Variants in XXYLT1 observed in about 807,000 individuals in gnomAD.
XXYLT1 encodes UDP-xylose:alpha-xyloside alpha-1,3-xylosyltransferase.
A neutral mutation model predicts 28.9 loss-of-function variants in XXYLT1; 20 were observed. The observed-to-expected ratio is 0.69, with a 90% CI of 0.49 to 1.00. XXYLT1 has a LOEUF of 1.00. Among genes scored for constraint, XXYLT1 ranks in the 50% least tolerant of loss-of-function variants. XXYLT1 has a pLI of 0.00. For synonymous variants in XXYLT1, 257 were observed against 253.8 expected (o/e 1.01, Z -0.12); for missense variants, 542 against 560.1 (o/e 0.97, Z 0.33).
chr3:195,241,864 T>C (rs12496628), intron 1 of XXYLT1, among the ~76,000 whole-genome samples: 21,043 of 152,002 alleles, frequency 0.14, 3,155 homozygotes, highest in African/African-American at 0.37. Flanking sequence ...CACACACATG[T>C]ACCCATCAGT....
chr3:195,108,856 A>C (rs1228213848), intron 3 of XXYLT1, among the ~76,000 whole-genome samples: 4 of 152,194 alleles, frequency 2.6e-5, no homozygotes, highest in Admixed American at 6.5e-5. Flanking sequence ...CCCCTCCATG[A>C]AGCTAGAAAG....
chr3:195,194,188 G>A (rs1722533995), intron 2 of XXYLT1, among the ~76,000 whole-genome samples: 1 of 151,278 alleles, frequency 6.6e-6, no homozygotes, highest in African/African-American at 2.4e-5. Flanking sequence ...GTTATATAAG[G>A]AATGCTTGCA....
chr3:195,071,735 T>TGGTTC (rs1214952454), intron 3 of XXYLT1, among the ~76,000 whole-genome samples: 28 of 152,248 alleles, frequency 1.8e-4, no homozygotes, highest in Admixed American at 8.5e-4. Context: ...TTCTTCCCAG[T>TGGTTC]GGTTCATTTC....
intron 1 of XXYLT1, 68 bp from the exon 2 acceptor site, chr3:195,226,924 A>G (rs1017522559): frequency 3.2e-6 from 5 of 1,565,602 alleles, no homozygotes; most frequent in Non-Finnish European, 4.3e-6. Context: ...ACACCCAACA[A>G]GCACCTGGGC....
intron 3 of XXYLT1, among the ~76,000 whole-genome samples, chr3:195,116,767 C>A (rs573759585): frequency 6.6e-6 from 1 of 152,170 alleles, no homozygotes; most frequent in Non-Finnish European, 1.5e-5. Flanking sequence ...AAGGCTGAGA[C>A]GGAAACACAC....
rs190146103 is a variant in XXYLT1 at position 195,195,659 on chromosome 3, C to T, written c.652+31050G>A. On this transcript the variant is annotated intron_variant, in intron 2 of 3. Transcript: ENST00000310380. The surrounding 1 kb of genome is among the most constrained non-coding windows in gnomAD (Gnocchi z 4.4). The stretch of plus-strand genomic sequence containing the variant: ...CTGGTCCCTTCACTCTGGCAGTTCC[C>T]CTACTGCCCAGCCCGGGAACTCCAT... Among the ~76,000 whole-genome samples the T allele has an allele frequency of 3.9e-5, 6 of 152,294 alleles. No homozygotes were observed. In the East Asian group the frequency reaches 1.2e-3, roughly 29 times the overall value.
At chr3:195,160,984 A>C (rs1434518432) in intron 2 of XXYLT1, among the ~76,000 whole-genome samples, 1 of 152,196 alleles carries the variant, frequency 6.6e-6, no homozygotes, top group Non-Finnish European at 1.5e-5. Context: ...TCACTATAGG[A>C]ATAGGGGCTA....
rs2108708136 is a variant in XXYLT1, at chr3:195,168,187, A to C, written c.653-11606T>G. Among the ~76,000 whole-genome samples the C allele has an allele frequency of 6.6e-6, 1 of 152,328 alleles. No individual in the cohort carries two copies. Among genetic ancestry groups the C allele is most frequent in the East Asian group, 1.9e-4 (1 of 5,184 alleles). On this transcript the variant is annotated intron_variant, in intron 2 of 3. Transcript: ENST00000310380. The surrounding 1 kb of genome is among the most constrained non-coding windows in gnomAD (Gnocchi z 4.3). ...CCATCCCCAGCTGTCGCAGACTGTA[A>C]GGATGAGGGGTTTGAAATGAATGTG... is the stretch of plus-strand genomic sequence containing the variant.
intron 2 of XXYLT1, among the ~76,000 whole-genome samples, chr3:195,159,172 C>T (rs1402908432): frequency 6.6e-6 from 1 of 152,202 alleles, no homozygotes; most frequent in Non-Finnish European, 1.5e-5. Context: ...AGCTACAAGA[C>T]TCACAAGAAT....
chr3:195,112,340 C>T (rs929658520), intron 3 of XXYLT1, among the ~76,000 whole-genome samples: 1 of 152,184 alleles, frequency 6.6e-6, no homozygotes, highest in African/African-American at 2.4e-5. Flanking sequence ...CCACTCTGCT[C>T]AGTTCTGAGG....
In XXYLT1 at chr3:195,209,762, T is replaced by C. The variant is rs1723230966; in HGVS notation, c.652+16947A>G. The C allele has an allele frequency of 6.6e-6, 1 of 152,318 alleles. No homozygotes were observed. Among genetic ancestry groups the C allele is most frequent in the South Asian group, 2.1e-4 (1 of 4,822 alleles). The allele number at this position is 152,318 out of a possible 1,614,324, so 9.4% of individuals were successfully genotyped here. A position where few individuals can be genotyped will look rare whatever the true frequency, so the allele number is the denominator to read the frequency against. On this transcript the variant is annotated intron_variant, in intron 2 of 3. Transcript: ENST00000310380. This position sits in a 1 kb window ranked among gnomAD's most constrained non-coding sequence, Gnocchi z 5.0. ...CGGGCCCACACCCTGCAGCCCACTC[T>C]CTCTGGAGGCCCAGCTATCGCCCGG...
At chr3:195,228,523 C>A (rs1036171383) in intron 1 of XXYLT1, among the ~76,000 whole-genome samples, 1 of 139,084 alleles carries the variant, frequency 7.2e-6, no homozygotes, top group African/African-American at 2.7e-5. Flanking sequence ...TGGAGTCTCA[C>A]TCTGTCAACC....
rs1266741284 is a variant in XXYLT1 at position 195,112,575 on chromosome 3, ACACG to A, written c.786-42468_786-42465del. 3.4e-5 allele frequency among the ~76,000 whole-genome samples: 5 copies of A among 148,082 alleles called. No individual in the cohort carries two copies. In the East Asian group the frequency reaches 9.8e-4, roughly 29 times the overall value. ...AACAGCTAGATGAAGCAGTGCACAC[ACACG>A]CACGCACACACACACACGCATGCAC... On this transcript the variant is annotated intron_variant, in intron 3 of 3. Transcript: ENST00000310380.
intron 1 of XXYLT1, among the ~76,000 whole-genome samples, chr3:195,251,795 GA>G (rs1725265499): frequency 6.6e-6 from 1 of 152,186 alleles, no homozygotes. Context: ...CATGGAATGG[GA>G]AGGGGAACAG....
chr3:195,099,830 C>CAAAAAAAAAAAAAAAAAAAAAAA (rs35428286), intron 3 of XXYLT1, among the ~76,000 whole-genome samples: 3 of 97,222 alleles, frequency 3.1e-5, no homozygotes, highest in African/African-American at 1.0e-4. Flanking sequence ...GACTCTGTCT[C>CAAAAAAAAAAAAAAAAAAAAAAA]AAAAAAAAAA....
In XXYLT1 at chr3:195,234,307, GGATTTTT is replaced by G. The variant is rs1724433710; in HGVS notation, c.505-7458_505-7452del. Among the ~76,000 whole-genome samples, 4 of 134,278 alleles carry G rather than the reference GGATTTTT, an allele frequency of 3.0e-5. No individual in the cohort carries two copies. In the South Asian group the frequency reaches 1.0e-3, roughly 34 times the overall value. 88.1% of individuals were successfully genotyped at this position (134,278 alleles called of 152,430 possible). On this transcript the variant is annotated intron_variant, in intron 1 of 3. Coordinates refer to ENST00000310380, the MANE Select transcript of XXYLT1 (RefSeq NM_152531.5). ...TCTTTATTTCTCCTTCATGTTTGAA[GGATTTTT>G]TTTTTTTTTTTTTTTTTTTTTGAGA...
intron 3 of XXYLT1, among the ~76,000 whole-genome samples, chr3:195,110,282 G>T (rs1717505010): frequency 4.6e-5 from 1 of 21,842 alleles, no homozygotes; most frequent in Non-Finnish European, 9.9e-5. Flanking sequence ...GTGTGTGTGG[G>T]GTGTATGTGT....
intron 2 of XXYLT1, among the ~76,000 whole-genome samples, chr3:195,159,072 G>C (rs1720743763): frequency 1.3e-5 from 2 of 152,072 alleles, no homozygotes; most frequent in African/African-American, 4.8e-5. Flanking sequence ...TGAAATGTAA[G>C]GAATAAATGA....
intron 3 of XXYLT1, among the ~76,000 whole-genome samples, chr3:195,111,432 G>C (rs1717708124): frequency 6.6e-6 from 1 of 152,154 alleles, no homozygotes; most frequent in Non-Finnish European, 1.5e-5. Flanking sequence ...GATGGGGAGA[G>C]AGGCTGGATG....
Sources: allele counts gnomAD v4.1 joint callset (sites outside exome capture counted in the v4.1 genomes callset), GRCh38; gene constraint gnomAD v4.1.1; non-coding constraint Gnocchi (gnomAD v3.1); transcripts MANE v1.5; gene names NCBI Gene and HGNC (gene_info 2026-07-23, HGNC 2026-07-21).